Variants in CDH1 observed in about 807,000 individuals in gnomAD.
CDH1 encodes cadherin 1, also known as cadherin-1.
CDH1 carries 35 observed loss-of-function variants against 84.5 expected under a neutral mutation model. The observed-to-expected ratio is 0.41, with a 90% CI of 0.32 to 0.55. The LOEUF is 0.55. CDH1 is among the 20% of genes least tolerant of loss of function. The pLI is 0.19. For synonymous variants in CDH1, 417 were observed against 439.0 expected (o/e 0.95, Z 0.63); for missense variants, 994 against 1,126.6 (o/e 0.88, Z 1.68).
intron 13 of CDH1, among the ~76,000 whole-genome samples, chr16:68,824,580 G>T (rs772115644): frequency 1.3e-5 from 2 of 152,170 alleles, no homozygotes; most frequent in Non-Finnish European, 2.9e-5. Flanking sequence ...ACTTACAATT[G>T]AAAATTGACA....
chr16:68,828,455 C>T, intron 14 of CDH1, 151 bp downstream of exon 14: 1 of 735,632 alleles, frequency 1.4e-6, no homozygotes, highest in Non-Finnish European at 2.4e-6. Context: ...TTGTCATTGA[C>T]CATCATCATC....
In CDH1 at chr16:68,753,373, G is replaced by A. The variant is rs931371786; in HGVS notation, c.163+14962G>A. ...TTTTTTCTTATTTTCTTGAGAGGGA[G>A]TCTCCCTCTGTCACCCAGGCTGGAG... On this transcript the variant is annotated intron_variant, in intron 2 of 15. Coordinates refer to ENST00000261769, the MANE Select transcript of CDH1 (RefSeq NM_004360.5). Among the ~76,000 whole-genome samples, 4 of 151,396 alleles carry A rather than the reference G, an allele frequency of 2.6e-5. No individual in the cohort carries two copies. The East Asian group carries it at 7.8e-4, about 30-fold the overall frequency.
At chr16:68,779,359 G>A (rs1024172590) in intron 2 of CDH1, among the ~76,000 whole-genome samples, 3 of 152,344 alleles carry the variant, frequency 2.0e-5, no homozygotes, top group African/African-American at 7.2e-5. Flanking sequence ...GGAAGTTAAG[G>A]TGATGGGCTT....
chr16:68,757,763 C>T (rs1268513323), intron 2 of CDH1, among the ~76,000 whole-genome samples: 4 of 143,028 alleles, frequency 2.8e-5, no homozygotes, highest in Non-Finnish European at 6.2e-5. Context: ...TTCTTTCTCT[C>T]TCTCTCCTTC....
chr16:68,740,581 T>C (rs1179418971), intron 2 of CDH1, among the ~76,000 whole-genome samples: 1 of 152,124 alleles, frequency 6.6e-6, no homozygotes, highest in Non-Finnish European at 1.5e-5. Context: ...GGTGTCCCAG[T>C]GCTAAGGCTG....
At chr16:68,743,283 CTTT>C (rs1962615367) in intron 2 of CDH1, among the ~76,000 whole-genome samples, 15 of 2,984 alleles carry the variant, frequency 5.0e-3, no homozygotes, top group Non-Finnish European at 4.2e-3. Flanking sequence ...TGCTGGGTCT[CTTT>C]CTTTCTTTCT....
chr16:68,821,978 A>C, intron 11 of CDH1, 23 bp from the exon 12 acceptor site: 1 of 1,594,608 alleles, frequency 6.3e-7, no homozygotes. Context: ...AAGCTGCCAC[A>C]TTTTCTGTGT....
chr16:68,829,526 A>G, intron 14 of CDH1, 128 bp from the exon 15 acceptor site: 1 of 949,092 alleles, frequency 1.1e-6, no homozygotes, highest in Non-Finnish European at 1.6e-6. Flanking sequence ...TTTGCATTAA[A>G]CTGGTAAAGA....
intron 2 of CDH1, among the ~76,000 whole-genome samples, chr16:68,776,381 T>C (rs905134789): frequency 6.6e-6 from 1 of 152,178 alleles, no homozygotes; most frequent in Non-Finnish European, 1.5e-5. Flanking sequence ...TGAACATGAA[T>C]AGTGGATTAA....
intron 14 of CDH1, 79 bp from the exon 15 acceptor site, chr16:68,829,575 C>G: frequency 7.2e-7 from 1 of 1,394,958 alleles, no homozygotes; most frequent in South Asian, 1.2e-5. Context: ...CAACCATAAT[C>G]TATAAACTGA....
chr16:68,819,323 C>T lies in CDH1; in HGVS notation c.1609C>T (p.Pro537Ser), dbSNP rs1961074729. 6.2e-7 allele frequency: 1 copy of T among 1,614,134 alleles called. No homozygotes were observed. The highest frequency in any genetic ancestry group is 1.1e-5 in the South Asian group (1 of 91,078). The change falls in exon 11 of 16, where the codon CCG becomes TCG. Residue 537 changes from proline (P) to serine (S), a missense_variant. Pro to Ser is a moderately conservative substitution (Grantham distance 74, BLOSUM62 -1). Transcript: ENST00000261769. The part of the protein sequence containing the change: ...RDTANWLEIN[P>S]DTGAISTRAE... The stretch of plus-strand genomic sequence containing the variant: ...CACTGCCAACTGGCTGGAGATTAAT[C>T]CGGACACTGGTGCCATTTCCACTCG...
rs1962418098 is a variant in CDH1, at chr16:68,737,344, T to C, written c.-72T>C. 2.3e-6 allele frequency: 3 copies of C among 1,322,370 alleles called. No individual in the cohort carries two copies. The East Asian group carries it at 7.7e-5, about 34-fold the overall frequency. 81.9% of individuals were successfully genotyped at this position (1,322,370 alleles called of 1,614,324 possible). A position where few individuals can be genotyped will look rare whatever the true frequency, so the allele number is the denominator to read the frequency against. On this transcript the variant is annotated 5_prime_UTR_variant, in exon 1 of 16. Transcript: ENST00000261769. ...TGAGCTTGCGGAAGTCAGTTCAGAC[T>C]CCAGCCCGCTCCAGCCCGGCCCGAC...
At chr16:68,750,726 T>TTA (rs1037927962) in intron 2 of CDH1, among the ~76,000 whole-genome samples, 1 of 150,654 alleles carries the variant, frequency 6.6e-6, no homozygotes, top group Non-Finnish European at 1.5e-5. Flanking sequence ...TTTTTTTTTT[T>TTA]AAGACAGGGT....
chr16:68,804,996 ATTTTTTT>A (rs71148951), intron 3 of CDH1, among the ~76,000 whole-genome samples: 32 of 89,700 alleles, frequency 3.6e-4, no homozygotes, highest in African/African-American at 1.3e-3. Flanking sequence ...TGCCCAGCTA[ATTTTTTT>A]TTTTTTTTTT....
intron 2 of CDH1, among the ~76,000 whole-genome samples, chr16:68,752,206 C>T (rs138090093): frequency 6.6e-6 from 1 of 152,190 alleles, no homozygotes; most frequent in East Asian, 1.9e-4. Flanking sequence ...CCCGCCTTGG[C>T]CTCCCAAAGT....
In CDH1 at chr16:68,813,353, T is replaced by A. The variant is rs34466743; in HGVS notation, c.1178T>A (p.Ile393Asn). The stretch of plus-strand genomic sequence containing the variant: ...CCTGAGAACGAGGCTAACGTCGTAA[T>A]CACCACACTGAAAGTGACTGATGCT... ...QVPENEANVV[I>N]TTLKVTDADA... is the part of the protein sequence containing the mutation. Residue 393 changes from isoleucine to asparagine, a missense_variant, in exon 9 of 16, where the codon ATC becomes AAC. Physicochemically the swap from Ile to Asn is moderately radical, Grantham distance 149. Around this residue, in one of 3 missense-constraint regions of CDH1, gnomAD observed 769 missense variants for 881.8 expected, o/e 0.87. Transcript: ENST00000261769. 5.0e-5 allele frequency: 80 copies of A among 1,614,070 alleles called. No homozygotes were observed. The highest frequency in any genetic ancestry group is 6.4e-5 in the Non-Finnish European group (76 of 1,180,044).
At chr16:68,810,672 T>C (rs573044960) in intron 6 of CDH1, among the ~76,000 whole-genome samples, 1 of 152,074 alleles carries the variant, frequency 6.6e-6, no homozygotes, top group African/African-American at 2.4e-5. Flanking sequence ...AAGACCAGCC[T>C]GACCAACATG....
At chr16:68,777,942 G>A (rs764643391) in intron 2 of CDH1, among the ~76,000 whole-genome samples, 1 of 152,162 alleles carries the variant, frequency 6.6e-6, no homozygotes, top group Non-Finnish European at 1.5e-5. Flanking sequence ...ATGTTGGCCA[G>A]ACTGGTCTCA....
intron 2 of CDH1, among the ~76,000 whole-genome samples, chr16:68,796,764 G>T (rs1419398818): frequency 6.7e-6 from 1 of 148,636 alleles, no homozygotes; most frequent in South Asian, 2.1e-4. Flanking sequence ...TTTTTGTCAT[G>T]AAAAAAAAAA....
Sources: allele counts gnomAD v4.1 joint callset (sites outside exome capture counted in the v4.1 genomes callset), GRCh38; gene constraint gnomAD v4.1.1; regional missense constraint gnomAD v4.1.1; transcripts MANE v1.5; gene names NCBI Gene and HGNC (gene_info 2026-07-23, HGNC 2026-07-21).